Variants in KY observed in about 807,000 individuals in gnomAD.
KY encodes the protein kyphoscoliosis peptidase.
KY carries 43 observed loss-of-function variants against 76.1 expected under a neutral mutation model. The ratio of observed to expected loss-of-function variants is 0.57; its 90% CI spans 0.44 to 0.73. KY has a LOEUF of 0.73. Among genes scored for constraint, KY ranks in the 30% least tolerant of loss-of-function variants. The pLI, the probability that KY is intolerant of heterozygous loss-of-function variation, is 0.00. For synonymous variants in KY, 277 were observed against 326.2 expected, an observed-to-expected ratio of 0.85 and a Z score of 1.63; for missense variants, 722 against 828.9, an observed-to-expected ratio of 0.87 and a Z score of 1.58.
intron 3 of KY, among the ~76,000 whole-genome samples, chr3:134,639,063 C>G (rs1577780734): frequency 8.2e-6 from 1 of 121,320 alleles, no homozygotes; most frequent in South Asian, 2.7e-4. Flanking sequence ...TTTTTTTCTA[C>G]TTTGGAGTTT....
intron 3 of KY, among the ~76,000 whole-genome samples, chr3:134,633,561 T>C (rs1274635117): frequency 6.6e-6 from 1 of 152,118 alleles, no homozygotes; most frequent in Admixed American, 6.5e-5. Context: ...CATCCGTTCA[T>C]GATAAAACCT....
chr3:134,625,410 G>A (rs140576301), intron 5 of KY, among the ~76,000 whole-genome samples: 2 of 152,328 alleles, frequency 1.3e-5, no homozygotes, highest in African/African-American at 2.4e-5. Context: ...AGTAGGAAAC[G>A]GGCTTAACCT....
intron 10 of KY, chr3:134,607,306 T>C (rs4311254): frequency 1 from 980,663 of 985,524 alleles, 487,971 homozygotes; most frequent in Non-Finnish European, 1. Flanking sequence ...GCAAAGGAAG[T>C]CATTGTGTGG....
At chr3:134,637,959 T>C (rs997427349) in intron 3 of KY, among the ~76,000 whole-genome samples, 5 of 152,262 alleles carry the variant, frequency 3.3e-5, no homozygotes, top group African/African-American at 1.2e-4. Flanking sequence ...CTCTCCTTTC[T>C]GTGATTCCTC....
At chr3:134,614,796 A>C (rs1202533767) in intron 8 of KY, among the ~76,000 whole-genome samples, 1 of 152,156 alleles carries the variant, frequency 6.6e-6, no homozygotes, top group Non-Finnish European at 1.5e-5. Context: ...GTCAGTACCA[A>C]GGCCAGGCCC....
At chr3:134,644,828 C>G (rs1249808348) in intron 2 of KY, among the ~76,000 whole-genome samples, 5 of 152,250 alleles carry the variant, frequency 3.3e-5, no homozygotes, top group Admixed American at 6.5e-5. Context: ...CCTCCTCCAG[C>G]CTTCTCCTAT....
At position 134,614,932 on chromosome 3, in the gene KY, G is replaced by C. The variant is rs116270467; in HGVS notation, c.710+4216C>G. On this transcript the variant is annotated intron_variant, in intron 8 of 10. Transcript: ENST00000423778. The stretch of plus-strand genomic sequence containing the variant: ...ATGTGTGAGCCAAGTGAGGGAAAAA[G>C]GGAGGGAGTGTGCCTGTAGGAGAGA... Among the ~76,000 whole-genome samples, 441 of 152,318 alleles carry C rather than the reference G, an allele frequency of 2.9e-3. 1 individual carries two copies. The highest frequency in any genetic ancestry group is 9.8e-3 in the African/African-American group (408 of 41,560).
chr3:134,610,224 C>T lies in KY; in HGVS notation c.870G>A (p.Val290=), dbSNP rs1960128863. The T allele has an allele frequency of 1.2e-6, 2 of 1,613,696 alleles. No individual in the cohort carries two copies. The highest frequency in any genetic ancestry group is 1.3e-5 in the African/African-American group (1 of 75,038). Residue 290 remains valine, a synonymous_variant, in exon 9 of 11, where the codon GTG becomes GTA. Coordinates refer to ENST00000423778, the MANE Select transcript of KY (RefSeq NM_178554.6). ...LVDSTWGSGL[V]DTITSKFTFL... The stretch of plus-strand genomic sequence containing the variant: ...AGGTGAATTTGGAGGTGATGGTGTC[C>T]ACCAGGCCGCTGCCCCAGGTGCTGT...
intron 10 of KY, chr3:134,607,529 G>A (rs532695252): frequency 7.1e-6 from 7 of 985,772 alleles, no homozygotes; most frequent in South Asian, 9.4e-5. Context: ...TTGCTGAGGT[G>A]TGGGAGGCTG....
intron 4 of KY, among the ~76,000 whole-genome samples, chr3:134,629,131 G>T (rs1054135852): frequency 6.6e-6 from 1 of 152,180 alleles, no homozygotes; most frequent in African/African-American, 2.4e-5. Flanking sequence ...AAAGTATGGT[G>T]GTTAAGACCA....
At chr3:134,608,981 C>G (rs1959782064) in intron 9 of KY, 142 bp from the exon 10 acceptor site, 1 of 936,330 alleles carries the variant, frequency 1.1e-6, no homozygotes, top group African/African-American at 1.7e-5. Flanking sequence ...GGAGACTCCT[C>G]CTCAGTGGAT....
chr3:134,608,747 TGAG>T lies in KY; in HGVS notation c.989_991del (p.Pro330del). On this transcript the variant is annotated inframe_deletion, in exon 10 of 11. Transcript: ENST00000423778. Reference sequence around the variant, plus strand: ...GTTGTTCTCAAACTGCCTCAGAGATTGAGGAGGTTTTAGCAGCTGCCAGTTCTT... The same window carrying T: ...GTTGTTCTCAAACTGCCTCAGAGATTGAGGTTTTAGCAGCTGCCAGTTCTT... The T allele has an allele frequency of 6.2e-7, 1 of 1,614,052 alleles. No homozygotes were observed. Among genetic ancestry groups the T allele is most frequent in the Non-Finnish European group, 8.5e-7 (1 of 1,179,896 alleles).
At chr3:134,627,688 G>T in intron 5 of KY, 68 bp downstream of exon 5, 1 of 1,413,760 alleles carries the variant, frequency 7.1e-7, no homozygotes, top group East Asian at 2.3e-5. Flanking sequence ...CTGTCAATTG[G>T]AGATTAGTCT....
chr3:134,616,863 C>T (rs939091009), intron 8 of KY, among the ~76,000 whole-genome samples: 1 of 152,192 alleles, frequency 6.6e-6, no homozygotes, highest in African/African-American at 2.4e-5. Flanking sequence ...ACCCCAAAAT[C>T]GGGTTGGTAA....
chr3:134,643,550 CTG>C (rs1966043079), intron 2 of KY, among the ~76,000 whole-genome samples, 172 bp from the exon 3 acceptor site: 1 of 152,216 alleles, frequency 6.6e-6, no homozygotes, highest in Non-Finnish European at 1.5e-5. Flanking sequence ...CAGCACGACA[CTG>C]TGCATGGAGA....
At chr3:134,637,346 C>A (rs551501682) in intron 3 of KY, among the ~76,000 whole-genome samples, 1 of 152,306 alleles carries the variant, frequency 6.6e-6, no homozygotes, top group African/African-American at 2.4e-5. Flanking sequence ...CTTTCTCCAC[C>A]TCAAACCCTC....
Position 134,605,272 on chromosome 3 carries a change from C to T in KY, c.1091-798G>A, listed in dbSNP as rs144082888. Among the ~76,000 whole-genome samples the T allele has an allele frequency of 2.1e-3, 313 of 152,216 alleles. 3 individuals carry two copies. Among genetic ancestry groups the T allele is most frequent in the African/African-American group, 7.0e-3 (290 of 41,536 alleles). On this transcript the variant is annotated intron_variant, in intron 10 of 10. Transcript: ENST00000423778. ...GGCTTCCAGGGCCACAGGGAGGGACCGTGGCTTCTCTTAGAGCCTGGTCTT... is the reference window on the plus strand; with the variant it reads ...GGCTTCCAGGGCCACAGGGAGGGACTGTGGCTTCTCTTAGAGCCTGGTCTT...
At chr3:134,626,089 C>CCAAG (rs1313423860) in intron 5 of KY, among the ~76,000 whole-genome samples, 7 of 152,180 alleles carry the variant, frequency 4.6e-5, no homozygotes, top group African/African-American at 7.2e-5. Context: ...CCTTTCTTAA[C>CCAAG]CAAGGGTCCC....
chr3:134,625,577 G>T (rs1370901599), intron 5 of KY, among the ~76,000 whole-genome samples: 1 of 152,214 alleles, frequency 6.6e-6, no homozygotes, highest in East Asian at 1.9e-4. Flanking sequence ...AAGGAGGGAG[G>T]TCTGTGCCAC....
Sources: allele counts gnomAD v4.1 joint callset (sites outside exome capture counted in the v4.1 genomes callset), GRCh38; gene constraint gnomAD v4.1.1; transcripts MANE v1.5; gene names NCBI Gene and HGNC (gene_info 2026-07-23, HGNC 2026-07-21).